MYLK: variants seen among roughly 807,000 people sequenced by gnomAD.
MYLK encodes myosin light chain kinase, smooth muscle.
MYLK carries 106 observed loss-of-function variants against 203.4 expected under a neutral mutation model. That is an observed-to-expected ratio of 0.52 (90% CI 0.45 to 0.61). MYLK has a LOEUF of 0.61. Ranked by LOEUF, MYLK falls within the 20% of genes least tolerant of loss-of-function variation. The probability of loss-of-function intolerance (pLI) is 0.00; values close to 1 mark genes in which losing one functional copy is unlikely to be tolerated. For missense variants in MYLK, 2,072 were observed against 2,442.3 expected (o/e 0.85, Z 3.20); for synonymous variants, 867 against 959.5 (o/e 0.90, Z 1.78).
Position 123,780,347 on chromosome 3 carries a change from T to C in MYLK, c.165+13330A>G, listed in dbSNP as rs562784637. 1.4e-3 allele frequency among the ~76,000 whole-genome samples: 213 copies of C among 152,220 alleles called. 1 individual carries two copies. The highest frequency in any genetic ancestry group is 4.7e-3 in the African/African-American group (195 of 41,546). ...TACTTGGGAGGGTGAGACAGGAGAATTGCTTGAACCCAGGGGGCAGAGGTT... is the reference window on the plus strand; with the variant it reads ...TACTTGGGAGGGTGAGACAGGAGAACTGCTTGAACCCAGGGGGCAGAGGTT... On this transcript the variant is annotated intron_variant, in intron 4 of 33. Transcript: ENST00000360304.
At chr3:123,845,057 T>C (rs1237936631) in intron 2 of MYLK, among the ~76,000 whole-genome samples, 2 of 152,110 alleles carry the variant, frequency 1.3e-5, no homozygotes, top group East Asian at 1.9e-4. Context: ...GTATTCAGTC[T>C]CTTTTGCCTT....
At chr3:123,786,277 TG>T (rs2064520589) in intron 4 of MYLK, among the ~76,000 whole-genome samples, 1 of 150,308 alleles carries the variant, frequency 6.7e-6, no homozygotes, top group African/African-American at 2.5e-5. Flanking sequence ...CACTCCAGCT[TG>T]GGGCAACAGA....
At chr3:123,670,733 C>A (rs576667375) in intron 20 of MYLK, among the ~76,000 whole-genome samples, 3 of 152,168 alleles carry the variant, frequency 2.0e-5, no homozygotes, top group African/African-American at 7.2e-5. Flanking sequence ...CAGAGAGAGA[C>A]CTTATCTCAG....
intron 2 of MYLK, among the ~76,000 whole-genome samples, chr3:123,832,588 C>CTT (rs1490121437): frequency 6.6e-6 from 1 of 152,138 alleles, no homozygotes; most frequent in African/African-American, 2.4e-5. Context: ...GAGGTAGGAC[C>CTT]TTTAGGAGGT....
chr3:123,733,681 A>G lies in MYLK; in HGVS notation c.1309+6T>C, dbSNP rs1301091799. 6.2e-7 allele frequency: 1 copy of G among 1,613,624 alleles called. No individual in the cohort carries two copies. Among genetic ancestry groups the G allele is most frequent in the Non-Finnish European group, 8.5e-7 (1 of 1,180,002 alleles). On this transcript the variant is annotated splice_donor_region_variant and intron_variant, in intron 10 of 33. Coordinates refer to ENST00000360304, the MANE Select transcript of MYLK (RefSeq NM_053025.4). ...GCAATCGGTGACCCTAATTACCTCT[A>G]CTCACCTTCACATCTGAACTTGACA... is the stretch of plus-strand genomic sequence containing the variant.
chr3:123,793,624 G>A, intron 4 of MYLK, 53 bp downstream of exon 4: 1 of 1,601,062 alleles, frequency 6.2e-7, no homozygotes. Context: ...ACAAGGAGCA[G>A]CGGCCCCTGC....
rs546099987 is a variant in MYLK at position 123,717,173 on chromosome 3, C to T, written c.1804+4955G>A. On this transcript the variant is annotated intron_variant, in intron 13 of 33. Coordinates refer to ENST00000360304, the MANE Select transcript of MYLK (RefSeq NM_053025.4). ...AAGCTTGAGGAGGTCAGGATCCATA[C>T]GTTATGTTAACTGGATAGATTGTAT... Among the ~76,000 whole-genome samples the T allele has an allele frequency of 2.7e-3, 418 of 152,332 alleles. 1 individual carries two copies. Among genetic ancestry groups the T allele is most frequent in the Non-Finnish European group, 5.0e-3 (337 of 68,038 alleles).
chr3:123,633,859 G>A (rs1218319155), intron 29 of MYLK, among the ~76,000 whole-genome samples: 1 of 152,006 alleles, frequency 6.6e-6, no homozygotes, highest in East Asian at 1.9e-4. Flanking sequence ...ATGTGTGTGG[G>A]TTTTAAGAAA....
At position 123,801,763 on chromosome 3, in the gene MYLK, C is replaced by A. The variant is rs531017024; in HGVS notation, c.-3-7919G>T. Among the ~76,000 whole-genome samples, 4 of 152,272 alleles carry A rather than the reference C, an allele frequency of 2.6e-5. No homozygotes were observed. The South Asian group carries it at 8.3e-4, about 32-fold the overall frequency. Reference sequence around the variant, plus strand: ...TTGCTGCAAAGGACATGATTTCATTCTTTTTTATGGCTGCATAATAGTCTA... The same window carrying A: ...TTGCTGCAAAGGACATGATTTCATTATTTTTTATGGCTGCATAATAGTCTA... On this transcript the variant is annotated intron_variant, in intron 3 of 33. Coordinates refer to ENST00000360304, the MANE Select transcript of MYLK (RefSeq NM_053025.4).
intron 23 of MYLK, among the ~76,000 whole-genome samples, chr3:123,660,987 T>G (rs1436499558): frequency 6.6e-6 from 1 of 152,210 alleles, no homozygotes; most frequent in Non-Finnish European, 1.5e-5. Flanking sequence ...TATTGAGCAA[T>G]TCTATTCTTA....
chr3:123,640,295 C>T lies in MYLK; in HGVS notation c.4829G>A (p.Arg1610Lys), dbSNP rs778317002. Residue 1610 changes from arginine to lysine, a missense_variant, in exon 28 of 34, where the codon AGG (arginine) becomes AAG (lysine). Physicochemically the swap from Arg to Lys is conservative, Grantham distance 26. Transcript: ENST00000360304. The surrounding 1 kb of genome is among the most constrained non-coding windows in gnomAD (Gnocchi z 4.3). The part of the protein sequence containing the change: ...RIKLIDFGLA[R>K]RLENAGSLKV... Reference sequence around the variant, plus strand: ...AGGCAGATGAGCCTTACCCAGCCTCCTGGCCAGACCAAAGTCGATGAGCTT... The same window carrying T: ...AGGCAGATGAGCCTTACCCAGCCTCTTGGCCAGACCAAAGTCGATGAGCTT... 1 of 1,613,992 alleles carries T rather than the reference C, an allele frequency of 6.2e-7. No individual in the cohort carries two copies.
intron 13 of MYLK, among the ~76,000 whole-genome samples, chr3:123,713,195 C>T (rs72970833): frequency 0.041 from 6,257 of 152,168 alleles, 432 homozygotes; most frequent in African/African-American, 0.14. Context: ...CAAAGCCCTA[C>T]AGCAAGAAAG....
chr3:123,815,966 C>A (rs1341417677), intron 3 of MYLK, among the ~76,000 whole-genome samples: 1 of 152,218 alleles, frequency 6.6e-6, no homozygotes, highest in Non-Finnish European at 1.5e-5. Flanking sequence ...CCTGCTCAGC[C>A]CAGCTCAGAT....
intron 2 of MYLK, among the ~76,000 whole-genome samples, chr3:123,872,478 T>C (rs547093247): frequency 6.6e-6 from 1 of 152,152 alleles, no homozygotes; most frequent in Non-Finnish European, 1.5e-5. Context: ...ACTGCCCCCA[T>C]TTCAGATCAC....
chr3:123,877,470 C>T (rs543710395), intron 1 of MYLK, among the ~76,000 whole-genome samples: 1 of 152,180 alleles, frequency 6.6e-6, no homozygotes, highest in African/African-American at 2.4e-5. Flanking sequence ...AAAGTAAAAC[C>T]AAGTGTTTCT....
chr3:123,647,093 G>C, intron 27 of MYLK, 131 bp downstream of exon 27: 1 of 828,850 alleles, frequency 1.2e-6, no homozygotes, highest in Non-Finnish European at 2.0e-6. Flanking sequence ...TGGCTGGTGA[G>C]CATCTTACAT....
intron 31 of MYLK, chr3:123,620,709 G>A (rs575723672): frequency 4.9e-5 from 48 of 980,704 alleles, no homozygotes; most frequent in African/African-American, 6.7e-5. Context: ...TGGGCCTAGC[G>A]GGGCTATTTC....
At chr3:123,776,907 C>T (rs1222893119) in intron 4 of MYLK, among the ~76,000 whole-genome samples, 1 of 152,200 alleles carries the variant, frequency 6.6e-6, no homozygotes, top group Non-Finnish European at 1.5e-5. Context: ...CCTGTAGATC[C>T]TGTAGTTATC....
At chr3:123,774,399 C>T (rs2063990812) in intron 4 of MYLK, among the ~76,000 whole-genome samples, 1 of 152,120 alleles carries the variant, frequency 6.6e-6, no homozygotes, top group South Asian at 2.1e-4. Context: ...GGCGTTCATT[C>T]TCGGGAAGTA....
Sources: gnomAD v4.1 joint callset for allele counts (sites outside exome capture counted in the v4.1 genomes callset) on GRCh38, gnomAD v4.1.1 for gene constraint, Gnocchi (gnomAD v3.1) non-coding constraint, MANE v1.5 for transcripts, NCBI Gene and HGNC (gene_info 2026-07-23, HGNC 2026-07-21) for gene names.